The following PRKCB variants were observed in gnomAD, a reference collection of about 807,000 sequenced individuals.
The protein encoded by PRKCB is protein kinase C beta.
Under a neutral mutation model 81.5 loss-of-function variants are expected in PRKCB, and 13 were observed. The ratio of observed to expected loss-of-function variants is 0.16; its 90% CI spans 0.10 to 0.25. The LOEUF is 0.25. Ranked by LOEUF, PRKCB falls within the 10% of genes least tolerant of loss-of-function variation. The pLI, the probability that PRKCB is intolerant of heterozygous loss-of-function variation, is 1.00. For synonymous variants in PRKCB, 335 were observed against 321.4 expected, an observed-to-expected ratio of 1.04 and a Z score of -0.45; for missense variants, 509 against 875.7, an observed-to-expected ratio of 0.58 and a Z score of 5.29.
intron 5 of PRKCB, among the ~76,000 whole-genome samples, chr16:24,091,902 C>G (rs538290713): frequency 2.2e-4 from 34 of 152,184 alleles, no homozygotes; most frequent in African/African-American, 8.2e-4. Context: ...AGCCTTCTCT[C>G]TATGGGCTGT....
At chr16:24,182,903 T>TGTGTGTGTG (rs1311568875) in intron 13 of PRKCB, among the ~76,000 whole-genome samples, 3 of 35,162 alleles carry the variant, frequency 8.5e-5, no homozygotes, top group Admixed American at 2.3e-4. Context: ...GTGTGTGTGT[T>TGTGTGTGTG]TGAGACAGGG....
At chr16:24,015,418 GC>G (rs1965263635) in intron 3 of PRKCB, among the ~76,000 whole-genome samples, 1 of 152,222 alleles carries the variant, frequency 6.6e-6, no homozygotes. Context: ...TCTCAGTGGG[GC>G]TAGGGTCTTT....
intron 2 of PRKCB, among the ~76,000 whole-genome samples, chr16:23,850,565 G>T (rs1196639403): frequency 6.6e-6 from 1 of 152,060 alleles, no homozygotes; most frequent in African/African-American, 2.4e-5. Flanking sequence ...GGGTTTCACT[G>T]TGTTGGTGAG....
At chr16:23,989,728 G>A (rs1003091316) in intron 3 of PRKCB, among the ~76,000 whole-genome samples, 36 of 152,292 alleles carry the variant, frequency 2.4e-4, no homozygotes, top group African/African-American at 8.7e-4. Flanking sequence ...TGTGTTTAAA[G>A]TTTAGGGTAC....
chr16:24,090,898 T>G (rs931219147), intron 5 of PRKCB, among the ~76,000 whole-genome samples: 1 of 152,190 alleles, frequency 6.6e-6, no homozygotes, highest in Non-Finnish European at 1.5e-5. Context: ...CCAATATTCT[T>G]TCTTCTAATC....
intron 3 of PRKCB, among the ~76,000 whole-genome samples, chr16:24,009,082 C>T (rs768654139): frequency 4.6e-5 from 7 of 152,226 alleles, no homozygotes; most frequent in African/African-American, 1.4e-4. Context: ...ACACATTTTC[C>T]TTATCCATTT....
At chr16:23,886,420 T>TTTTG in intron 2 of PRKCB, among the ~76,000 whole-genome samples, 1 of 142,960 alleles carries the variant, frequency 7.0e-6, no homozygotes, top group African/African-American at 2.6e-5. Context: ...TTTTTTTTTT[T>TTTTG]TTTTTTTTTT....
chr16:23,858,514 C>G (rs547196324), intron 2 of PRKCB, among the ~76,000 whole-genome samples: 8 of 150,478 alleles, frequency 5.3e-5, no homozygotes, highest in Non-Finnish European at 5.9e-5. Flanking sequence ...GGGAAATTCT[C>G]TAGTGGGAGG....
intron 12 of PRKCB, among the ~76,000 whole-genome samples, chr16:24,177,216 C>G (rs1402105123): frequency 6.6e-6 from 1 of 152,192 alleles, no homozygotes; most frequent in Admixed American, 6.5e-5. Context: ...GGGCTAGTTT[C>G]TAATCAATCA....
intron 7 of PRKCB, chr16:24,098,856 A>G (rs1317619191): frequency 6.6e-6 from 1 of 152,206 alleles, no homozygotes; most frequent in Non-Finnish European, 1.5e-5. Context: ...AGAAATAGCT[A>G]ATTAGAAAAT....
At chr16:23,971,281 G>A (rs950367417) in intron 2 of PRKCB, among the ~76,000 whole-genome samples, 6 of 152,148 alleles carry the variant, frequency 3.9e-5, no homozygotes, top group African/African-American at 1.4e-4. Flanking sequence ...GGTGTAGCGG[G>A]CAATCGTGAT....
intron 10 of PRKCB, among the ~76,000 whole-genome samples, chr16:24,161,511 G>GT (rs967873148): frequency 2.0e-5 from 3 of 151,968 alleles, no homozygotes; most frequent in African/African-American, 4.8e-5. Flanking sequence ...AGTTGTTTAA[G>GT]TTTTTTTTAA....
intron 3 of PRKCB, among the ~76,000 whole-genome samples, chr16:24,028,287 C>G (rs1447674215): frequency 6.6e-6 from 1 of 152,166 alleles, no homozygotes; most frequent in Non-Finnish European, 1.5e-5. Flanking sequence ...CAGGGTTTCA[C>G]CATATCGGTC....
At chr16:23,882,697 T>C (rs1429686419) in intron 2 of PRKCB, among the ~76,000 whole-genome samples, 1 of 152,212 alleles carries the variant, frequency 6.6e-6, no homozygotes, top group Non-Finnish European at 1.5e-5. Context: ...TGAGTTGCTT[T>C]CACCTCTTGG....
chr16:23,913,493 G>T (rs1196885422), intron 2 of PRKCB, among the ~76,000 whole-genome samples: 10 of 152,214 alleles, frequency 6.6e-5, no homozygotes, highest in African/African-American at 1.2e-4. Flanking sequence ...CAGACCTGGA[G>T]CTCTGAACTT....
intron 5 of PRKCB, among the ~76,000 whole-genome samples, chr16:24,040,792 G>A (rs550548063): frequency 3.3e-4 from 51 of 152,316 alleles, no homozygotes; most frequent in African/African-American, 1.2e-3. Flanking sequence ...GGTAGAACAT[G>A]CAGAAAATCT....
At chr16:24,000,366 G>A (rs754503724) in intron 3 of PRKCB, among the ~76,000 whole-genome samples, 5 of 152,146 alleles carry the variant, frequency 3.3e-5, no homozygotes, top group Non-Finnish European at 5.9e-5. Flanking sequence ...AGCTATAAGT[G>A]GTTAATGTGG....
intron 16 of PRKCB, among the ~76,000 whole-genome samples, chr16:24,206,431 T>A (rs758593064): frequency 2.6e-5 from 4 of 152,216 alleles, no homozygotes; most frequent in Non-Finnish European, 5.9e-5. Flanking sequence ...CCTGAAGGTG[T>A]CCTGGTGTCT....
intron 5 of PRKCB, among the ~76,000 whole-genome samples, chr16:24,055,936 T>C (rs1965898414): frequency 6.6e-6 from 1 of 152,140 alleles, no homozygotes; most frequent in Admixed American, 6.5e-5. Flanking sequence ...ACCCATTTTG[T>C]CTCCATTGAC....
Sources: allele counts gnomAD v4.1 joint callset (sites outside exome capture counted in the v4.1 genomes callset), GRCh38; gene constraint gnomAD v4.1.1; transcripts MANE v1.5; gene names NCBI Gene and HGNC (gene_info 2026-07-23, HGNC 2026-07-21).